Variants in DDX60 observed in about 807,000 individuals in gnomAD.
DDX60 encodes the protein DExD/H-box helicase 60.
In DDX60, 165 loss-of-function variants were observed where a neutral mutation model predicts 212.8. That is an observed-to-expected ratio of 0.78 (90% CI 0.68 to 0.88). DDX60 has a LOEUF of 0.88. Ranked by LOEUF, DDX60 falls within the 40% of genes least tolerant of loss-of-function variation. The probability of loss-of-function intolerance (pLI) is 0.00; values close to 1 mark genes in which losing one functional copy is unlikely to be tolerated. For synonymous variants in DDX60, 703 were observed against 685.3 expected (o/e 1.03, Z -0.40); for missense variants, 1,905 against 2,003.9 (o/e 0.95, Z 0.94).
chr4:168,314,321 T>TCA (rs10687990), intron 1 of DDX60, among the ~76,000 whole-genome samples: 17,615 of 148,610 alleles, frequency 0.12, 1,690 homozygotes, highest in African/African-American at 0.26. Flanking sequence ...GATTGAACAC[T>TCA]CACACACACA....
intron 30 of DDX60, among the ~76,000 whole-genome samples, chr4:168,241,465 A>G (rs1171702859): frequency 6.6e-6 from 1 of 152,194 alleles, no homozygotes; most frequent in African/African-American, 2.4e-5. Flanking sequence ...GATATGGACA[A>G]TGAAATTCAG....
In DDX60 at chr4:168,296,621, A is replaced by C. The variant is rs4692922; in HGVS notation, c.724-2676T>G. On this transcript the variant is annotated intron_variant, in intron 6 of 37. Coordinates refer to ENST00000393743, the MANE Select transcript of DDX60 (RefSeq NM_017631.6). ...CATTAAATTAAATTATATTAAATTA[A>C]TTGGATTGGATTAAATCGAATTAAA... Among the ~76,000 whole-genome samples, 376 of 152,262 alleles carry C rather than the reference A, an allele frequency of 2.5e-3. 4 individuals are homozygous for C. Among genetic ancestry groups the C allele is most frequent in the East Asian group, 0.019 (98 of 5,186 alleles).
At chr4:168,222,012 G>A (rs1733069908) in intron 35 of DDX60, 131 bp from the exon 36 acceptor site, 2 of 954,478 alleles carry the variant, frequency 2.1e-6, no homozygotes, top group Non-Finnish European at 3.0e-6. Flanking sequence ...GAAGTAAGAG[G>A]GTGCCTTAGC....
intron 33 of DDX60, among the ~76,000 whole-genome samples, chr4:168,228,834 T>C (rs1297802248): frequency 6.6e-6 from 1 of 152,104 alleles, no homozygotes; most frequent in African/African-American, 2.4e-5. Context: ...ACTGCAGACT[T>C]GATAGCAATG....
intron 14 of DDX60, among the ~76,000 whole-genome samples, chr4:168,276,438 C>T (rs1735345519): frequency 6.6e-6 from 1 of 152,046 alleles, no homozygotes. Flanking sequence ...CAAAAAAGCT[C>T]AAGTTTGTAA....
intron 25 of DDX60, among the ~76,000 whole-genome samples, chr4:168,260,638 T>C (rs148147512): frequency 6.6e-6 from 1 of 152,234 alleles, no homozygotes; most frequent in African/African-American, 2.4e-5. Flanking sequence ...GCATGCAACC[T>C]AGATCTCTCA....
chr4:168,262,867 C>T (rs188677767), intron 22 of DDX60, 80 bp from the exon 23 acceptor site: 2 of 907,648 alleles, frequency 2.2e-6, no homozygotes, highest in African/African-American at 3.5e-5. Context: ...CTATCATAAC[C>T]CAAAGACACT....
At chr4:168,249,490 C>T (rs1560826586) in intron 28 of DDX60, among the ~76,000 whole-genome samples, 2 of 151,936 alleles carry the variant, frequency 1.3e-5, no homozygotes, top group Non-Finnish European at 2.9e-5. Context: ...TTGATAAGAA[C>T]AAAAATGTAG....
rs772534625 is a variant in DDX60 at position 168,262,780 on chromosome 4, C to A, written c.3047G>T (p.Arg1016Met). ...GGTAAGATCAGGAGGGAATCCATAC[C>A]TTTCAATCTGTTTAAAATAAAATTA... ...CAALTTDHIE[R>M]YGFPPDLTLS... The change falls in exon 23 of 38, where the codon AGG (arginine) becomes ATG (methionine). Residue 1016 changes from arginine (R) to methionine (M), a missense_variant. Arg to Met is a moderately conservative substitution (Grantham distance 91). Coordinates refer to ENST00000393743, the MANE Select transcript of DDX60 (RefSeq NM_017631.6). 6.3e-7 allele frequency: 1 copy of A among 1,595,304 alleles called. No homozygotes were observed. The highest frequency in any genetic ancestry group is 2.3e-5 in the East Asian group (1 of 44,344).
chr4:168,285,449 A>T lies in DDX60; in HGVS notation c.1389T>A (p.Ser463=). Reference sequence around the variant, plus strand: ...CTCCAGCAAATTTATCAACCACAAAAGATGACGTTGGAATAAAACCCAAAT... The same window carrying T: ...CTCCAGCAAATTTATCAACCACAAATGATGACGTTGGAATAAAACCCAAAT... ...VPNLGFIPTS[S]FVVDKFAGDI... The change falls in exon 11 of 38, where the codon TCT becomes TCA. Residue 463 remains serine (S), a synonymous_variant. Coordinates refer to ENST00000393743, the MANE Select transcript of DDX60 (RefSeq NM_017631.6). 1 of 1,611,650 alleles carries T rather than the reference A, an allele frequency of 6.2e-7. No individual in the cohort carries two copies. Among genetic ancestry groups the T allele is most frequent in the Non-Finnish European group, 8.5e-7 (1 of 1,179,306 alleles).
intron 25 of DDX60, among the ~76,000 whole-genome samples, chr4:168,257,644 C>T (rs868162265): frequency 1.2e-4 from 18 of 152,156 alleles, no homozygotes; most frequent in African/African-American, 4.3e-4. Flanking sequence ...TTAAAAAACT[C>T]TTGTTCAAAG....
chr4:168,284,869 A>G lies in DDX60; in HGVS notation c.1512T>C (p.Ser504=), dbSNP rs1471037500. The G allele has an allele frequency of 5.0e-6, 8 of 1,598,804 alleles. No individual in the cohort carries two copies. Among genetic ancestry groups the G allele is most frequent in the Non-Finnish European group, 6.8e-6 (8 of 1,170,464 alleles). Reference sequence around the variant, plus strand: ...CATAATCATCACTCAGGGGTTTATGAGAATGCCAGTGCACAAGTTCATCAA... The same window carrying G: ...CATAATCATCACTCAGGGGTTTATGGGAATGCCAGTGCACAAGTTCATCAA... ...KEFDELVHWH[S]HKPLSDDYDR... Residue 504 remains serine (S), a synonymous_variant, in exon 12 of 38, where the codon TCT becomes TCC. Coordinates refer to ENST00000393743, the MANE Select transcript of DDX60 (RefSeq NM_017631.6).
chr4:168,310,550 G>A (rs1390266576), intron 3 of DDX60, among the ~76,000 whole-genome samples: 1 of 152,156 alleles, frequency 6.6e-6, no homozygotes, highest in Non-Finnish European at 1.5e-5. Context: ...TTTTAAGCAG[G>A]TGGCATTACG....
rs1234601563 is a variant in DDX60 at position 168,246,521 on chromosome 4, T to C, written c.4061A>G (p.Asn1354Ser). The C allele has an allele frequency of 1.2e-6, 2 of 1,614,046 alleles. No homozygotes were observed. The highest frequency in any genetic ancestry group is 2.2e-5 in the South Asian group (2 of 91,078). The change falls in exon 30 of 38, where the codon AAT becomes AGT. Residue 1354 changes from asparagine to serine, a missense_variant. Coordinates refer to ENST00000393743, the MANE Select transcript of DDX60 (RefSeq NM_017631.6). ...GAAGTGTCCTCTCAGCTCAGGAACA[T>C]TGGATTTTATGAGTTTTCCTATTTT... ...FPKIGKLIKS[N>S]VPELRGHFPL... is the part of the protein sequence containing the mutation.
At chr4:168,268,069 T>A in intron 20 of DDX60, 86 bp from the exon 21 acceptor site, 1 of 1,193,460 alleles carries the variant, frequency 8.4e-7, no homozygotes, top group Non-Finnish European at 1.2e-6. Context: ...GACAATTTCA[T>A]CTTCCTTATA....
rs753041549 is a variant in DDX60, at chr4:168,225,594, A to G, written c.4616T>C (p.Phe1539Ser). 6.2e-7 allele frequency: 1 copy of G among 1,611,586 alleles called. No individual in the cohort carries two copies. Residue 1539 changes from phenylalanine to serine, a missense_variant, in exon 34 of 38, where the codon TTC becomes TCC. Transcript: ENST00000393743. Reference sequence around the variant, plus strand: ...AGCCAGTTTGGAAACAATTCGTAGGAAAGTGGTAAAGTCCTCCATAATTTT... The same window carrying G: ...AGCCAGTTTGGAAACAATTCGTAGGGAAGTGGTAAAGTCCTCCATAATTTT... ...NMKIMEDFTT[F>S]LRIVSKLADM... is the part of the protein sequence containing the mutation.
rs989677845 is a variant in DDX60, at chr4:168,236,275, G to C, written c.4510C>G (p.His1504Asp). ...ACCTTTGATTGATAAAACTCGAAGT[G>C]TGCATCTTGGAACTTTGGTGGAAAA... ...RYFPPKFQDA[H>D]FEFYQSKVFL... Residue 1504 changes from histidine (H) to aspartate (D), a missense_variant, in exon 33 of 38, where the codon CAC (histidine) becomes GAC (aspartate). Physicochemically the swap from His to Asp is moderately conservative, Grantham distance 81 (BLOSUM62 -1). Transcript: ENST00000393743. 6.2e-7 allele frequency: 1 copy of C among 1,610,660 alleles called. No homozygotes were observed. Among genetic ancestry groups the C allele is most frequent in the African/African-American group, 1.3e-5 (1 of 74,724 alleles).
Position 168,283,431 on chromosome 4 carries a change from A to G in DDX60, c.1722+15T>C, listed in dbSNP as rs1407807442. Reference sequence around the variant, plus strand: ...AGGAAAATTTTTTTAATTGGATAGAATTTATAGAACCTACGTGTGCCTTTT... The same window carrying G: ...AGGAAAATTTTTTTAATTGGATAGAGTTTATAGAACCTACGTGTGCCTTTT... On this transcript the variant is annotated intron_variant, in intron 13 of 37. Transcript: ENST00000393743. 2 of 1,608,326 alleles carry G rather than the reference A, an allele frequency of 1.2e-6. No individual in the cohort carries two copies. Among genetic ancestry groups the G allele is most frequent in the South Asian group, 2.2e-5 (2 of 89,802 alleles).
chr4:168,271,965 G>T, intron 19 of DDX60, 78 bp downstream of exon 19: 2 of 1,153,344 alleles, frequency 1.7e-6, no homozygotes, highest in Non-Finnish European at 2.5e-6. Context: ...GGGGATAGAT[G>T]TCCTGAAACA....
Sources: allele counts gnomAD v4.1 joint callset (sites outside exome capture counted in the v4.1 genomes callset), GRCh38; gene constraint gnomAD v4.1.1; transcripts MANE v1.5; gene names NCBI Gene and HGNC (gene_info 2026-07-23, HGNC 2026-07-21).